Variants in ROBO1 observed in about 807,000 individuals in gnomAD.
ROBO1 encodes the protein roundabout homolog 1.
A neutral mutation model predicts 195.9 loss-of-function variants in ROBO1; 149 were observed. The ratio of observed to expected loss-of-function variants is 0.76; its 90% CI spans 0.67 to 0.87. The LOEUF is 0.87. Ranked by LOEUF, ROBO1 falls within the 40% of genes least tolerant of loss-of-function variation. ROBO1 has a pLI of 0.00. For synonymous variants in ROBO1, 816 were observed against 733.2 expected, an observed-to-expected ratio of 1.11 and a Z score of -1.82; for missense variants, 1,933 against 2,068.3, an observed-to-expected ratio of 0.93 and a Z score of 1.27.
intron 4 of ROBO1, among the ~76,000 whole-genome samples, chr3:78,868,255 G>A (rs2035303448): frequency 6.6e-6 from 1 of 151,894 alleles, no homozygotes; most frequent in Non-Finnish European, 1.5e-5. Flanking sequence ...AGAAGAAAAT[G>A]AATATGGTAA....
At chr3:79,588,609 G>T (rs1311835431) in intron 2 of ROBO1, among the ~76,000 whole-genome samples, 2 of 151,456 alleles carry the variant, frequency 1.3e-5, no homozygotes, top group Admixed American at 1.3e-4. Context: ...ACCTATATTT[G>T]CATTTTCTAT....
At chr3:79,405,283 G>A (rs2037504441) in intron 2 of ROBO1, among the ~76,000 whole-genome samples, 1 of 152,172 alleles carries the variant, frequency 6.6e-6, no homozygotes, top group African/African-American at 2.4e-5. Flanking sequence ...AGCAATGCCT[G>A]AGATCAGTAC....
intron 2 of ROBO1, among the ~76,000 whole-genome samples, chr3:79,543,044 A>AATATGTGC (rs1438378671): frequency 2.6e-5 from 4 of 152,082 alleles, no homozygotes; most frequent in Non-Finnish European, 5.9e-5. Flanking sequence ...ATTTGATTAA[A>AATATGTGC]ATATGTGCAT....
chr3:79,070,578 A>T (rs1346028223), intron 3 of ROBO1, among the ~76,000 whole-genome samples: 2 of 151,824 alleles, frequency 1.3e-5, no homozygotes, highest in African/African-American at 4.8e-5. Context: ...GTGAGCTGTC[A>T]GTTGTCAGTC....
chr3:79,512,707 G>C (rs9842982), intron 2 of ROBO1: 1 of 151,990 alleles, frequency 6.6e-6, no homozygotes, highest in South Asian at 2.1e-4. Flanking sequence ...TTGCACTGAA[G>C]GAACAGAAAC....
chr3:79,468,848 G>A (rs2107306670), intron 2 of ROBO1, among the ~76,000 whole-genome samples: 1 of 152,112 alleles, frequency 6.6e-6, no homozygotes, highest in East Asian at 1.9e-4. Flanking sequence ...GTCATATTGA[G>A]GATGGAAAGA....
At chr3:79,583,699 TA>T in intron 2 of ROBO1, among the ~76,000 whole-genome samples, 1 of 151,944 alleles carries the variant, frequency 6.6e-6, no homozygotes, top group Non-Finnish European at 1.5e-5. Context: ...GTGTTTTTTT[TA>T]AAGATATCCA....
chr3:79,138,244 C>T (rs888079273), intron 2 of ROBO1, among the ~76,000 whole-genome samples: 2 of 151,900 alleles, frequency 1.3e-5, no homozygotes, highest in African/African-American at 4.8e-5. Flanking sequence ...ACTCATCATC[C>T]TATGCCTAGC....
intron 3 of ROBO1, among the ~76,000 whole-genome samples, chr3:79,100,758 T>G (rs1033650404): frequency 1.3e-5 from 2 of 151,788 alleles, no homozygotes; most frequent in Non-Finnish European, 2.9e-5. Flanking sequence ...AGGTCTCTAA[T>G]AAAGATATTT....
intron 3 of ROBO1, among the ~76,000 whole-genome samples, chr3:78,978,697 C>T (rs1329614776): frequency 1.3e-5 from 2 of 151,900 alleles, no homozygotes; most frequent in Non-Finnish European, 2.9e-5. Flanking sequence ...ATATTCTGCA[C>T]GATTAAAAGG....
At chr3:78,758,682 GT>G (rs2083008674) in intron 4 of ROBO1, among the ~76,000 whole-genome samples, 1 of 152,102 alleles carries the variant, frequency 6.6e-6, no homozygotes, top group Admixed American at 6.5e-5. Flanking sequence ...TTGTGTGTGT[GT>G]TGATTGTGTC....
chr3:78,598,977 T>C, intron 30 of ROBO1, 50 bp from the exon 31 acceptor site: 1 of 1,174,260 alleles, frequency 8.5e-7, no homozygotes, highest in Non-Finnish European at 1.2e-6. Flanking sequence ...TTAAGAGGAT[T>C]GTGTTATATT....
chr3:79,370,933 G>A (rs2036170860), intron 2 of ROBO1, among the ~76,000 whole-genome samples: 1 of 151,838 alleles, frequency 6.6e-6, no homozygotes, highest in Non-Finnish European at 1.5e-5. Context: ...GAGAACATGT[G>A]GTGTTTGGTT....
chr3:79,440,667 G>A (rs2039022963), intron 2 of ROBO1, among the ~76,000 whole-genome samples: 1 of 152,104 alleles, frequency 6.6e-6, no homozygotes, highest in African/African-American at 2.4e-5. Flanking sequence ...TTGAACCATA[G>A]ATACTGTGGG....
At chr3:79,129,641 A>G (rs907434298) in intron 2 of ROBO1, among the ~76,000 whole-genome samples, 8 of 152,140 alleles carry the variant, frequency 5.3e-5, no homozygotes, top group African/African-American at 1.9e-4. Context: ...TAATTGACAA[A>G]TTTAAATTAA....
chr3:79,426,977 T>A (rs914110235), intron 2 of ROBO1, among the ~76,000 whole-genome samples: 1 of 152,188 alleles, frequency 6.6e-6, no homozygotes, highest in Admixed American at 6.6e-5. Context: ...ATTAAAATTA[T>A]TCAATTAAAT....
chr3:78,743,996 A>G (rs947914779), intron 5 of ROBO1, among the ~76,000 whole-genome samples: 1 of 152,092 alleles, frequency 6.6e-6, no homozygotes, highest in Non-Finnish European at 1.5e-5. Flanking sequence ...TTTTTCTCCA[A>G]CCTTAACCTC....
chr3:78,813,242 GCACACACACACACA>G (rs10526078), intron 4 of ROBO1, among the ~76,000 whole-genome samples: 41 of 150,510 alleles, frequency 2.7e-4, no homozygotes, highest in Non-Finnish European at 6.1e-4. Flanking sequence ...AGTTTTACAT[GCACACACACACACA>G]CACACACCAC....
intron 3 of ROBO1, among the ~76,000 whole-genome samples, chr3:78,950,945 T>C (rs530801540): frequency 2.6e-5 from 4 of 152,042 alleles, no homozygotes; most frequent in African/African-American, 9.6e-5. Context: ...ACACAATTGT[T>C]TGCACAATTA....
Sources: allele counts gnomAD v4.1 joint callset (sites outside exome capture counted in the v4.1 genomes callset), GRCh38; gene constraint gnomAD v4.1.1; transcripts MANE v1.5; gene names NCBI Gene and HGNC (gene_info 2026-07-23, HGNC 2026-07-21).